AK8: variants seen among roughly 807,000 people sequenced by gnomAD.
The protein encoded by AK8 is adenylate kinase 8.
A neutral mutation model predicts 54.6 loss-of-function variants in AK8; 44 were observed. That is an observed-to-expected ratio of 0.81 (90% CI 0.63 to 1.04). The LOEUF is 1.04. Among genes scored for constraint, AK8 ranks in the 50% least tolerant of loss-of-function variants. The pLI is 0.00. For missense variants in AK8, 555 were observed against 613.6 expected (o/e 0.90, Z 1.01); for synonymous variants, 239 against 245.6 (o/e 0.97, Z 0.25).
chr9:132,864,371 T>A (rs60030560), intron 3 of AK8, among the ~76,000 whole-genome samples: 1 of 152,056 alleles, frequency 6.6e-6, no homozygotes, highest in Non-Finnish European at 1.5e-5. Flanking sequence ...GTGTGAACCT[T>A]CGTTCTTCCT....
intron 5 of AK8, among the ~76,000 whole-genome samples, chr9:132,832,893 C>G (rs1842163272): frequency 1.3e-5 from 2 of 152,212 alleles, no homozygotes; most frequent in African/African-American, 2.4e-5. Flanking sequence ...AGGTGGGGGG[C>G]TCTGGAGTGA....
At chr9:132,776,832 C>T (rs972347547) in intron 11 of AK8, among the ~76,000 whole-genome samples, 1 of 152,196 alleles carries the variant, frequency 6.6e-6, no homozygotes, top group Non-Finnish European at 1.5e-5. Flanking sequence ...CTTGATTCCC[C>T]TTCACGGGCA....
rs115968302 is a variant in AK8, at chr9:132,754,649, G to A, written c.1122-27115C>T. ...TGCTGCTGTTCCCGGGAGGACAGTT[G>A]AGCCAAGGGCAGCTTCTCCTCCTCT... On this transcript the variant is annotated intron_variant, in intron 11 of 12. Coordinates refer to ENST00000298545, the MANE Select transcript of AK8 (RefSeq NM_152572.3). Among the ~76,000 whole-genome samples, 569 of 152,208 alleles carry A rather than the reference G, an allele frequency of 3.7e-3. 2 individuals are homozygous for A. The highest frequency in any genetic ancestry group is 0.013 in the African/African-American group (539 of 41,526).
At chr9:132,863,313 G>A (rs1363504639) in intron 4 of AK8, among the ~76,000 whole-genome samples, 2 of 152,240 alleles carry the variant, frequency 1.3e-5, no homozygotes, top group Non-Finnish European at 2.9e-5. Flanking sequence ...CTCCTGGCGC[G>A]GGCCGCCAGG....
At chr9:132,745,893 T>C (rs1185534313) in intron 11 of AK8, among the ~76,000 whole-genome samples, 6 of 152,096 alleles carry the variant, frequency 3.9e-5, no homozygotes, top group Admixed American at 3.9e-4. Flanking sequence ...CCTTGAAGTA[T>C]GTTTGGAAGG....
rs536861765 is a variant in AK8, at chr9:132,742,569, T to C, written c.1122-15035A>G. Reference sequence around the variant, plus strand: ...ATGACAGGGGTACCAGCACCTGGCATTTCTGCCCCTCGCAGCCCTCTGAGG... The same window carrying C: ...ATGACAGGGGTACCAGCACCTGGCACTTCTGCCCCTCGCAGCCCTCTGAGG... On this transcript the variant is annotated intron_variant, in intron 11 of 12. Transcript: ENST00000298545. Among the ~76,000 whole-genome samples the C allele has an allele frequency of 5.9e-5, 9 of 152,322 alleles. No individual in the cohort carries two copies. The East Asian group carries it at 1.7e-3, about 29-fold the overall frequency.
chr9:132,830,474 C>A (rs1003201695), intron 5 of AK8, among the ~76,000 whole-genome samples: 2 of 152,172 alleles, frequency 1.3e-5, no homozygotes, highest in African/African-American at 4.8e-5. Context: ...ATACAGTATA[C>A]CACTGCTGCT....
intron 11 of AK8, among the ~76,000 whole-genome samples, chr9:132,742,807 C>T (rs979832844): frequency 6.6e-6 from 1 of 152,194 alleles, no homozygotes; most frequent in Non-Finnish European, 1.5e-5. Context: ...CTTCTATTAG[C>T]CTCCGTGAGG....
intron 5 of AK8, among the ~76,000 whole-genome samples, chr9:132,845,922 ATC>A (rs1294801166): frequency 1.3e-5 from 2 of 152,102 alleles, no homozygotes; most frequent in Non-Finnish European, 2.9e-5. Flanking sequence ...ACGGAAACAA[ATC>A]TGTCCAGGCA....
chr9:132,828,572 T>G, intron 6 of AK8, 73 bp downstream of exon 6: 1 of 1,367,028 alleles, frequency 7.3e-7, no homozygotes, highest in African/African-American at 1.4e-5. Context: ...GCAGGCAGCA[T>G]GAGCGGGGCG....
At chr9:132,852,228 C>A (rs775941331) in intron 5 of AK8, among the ~76,000 whole-genome samples, 3 of 152,286 alleles carry the variant, frequency 2.0e-5, no homozygotes, top group East Asian at 1.9e-4. Context: ...AATCTCAGCA[C>A]TTTGGGAGGC....
intron 11 of AK8, among the ~76,000 whole-genome samples, chr9:132,778,045 A>T (rs140859747): frequency 6.6e-4 from 100 of 152,340 alleles, no homozygotes; most frequent in African/African-American, 2.4e-3. Context: ...AATCAGAATG[A>T]TGTCAGGTCC....
In AK8 at chr9:132,846,851, G is replaced by GAGCTGTA. The variant is rs1201386420; in HGVS notation, c.402+8005_402+8006insTACAGCT. On this transcript the variant is annotated intron_variant, in intron 5 of 12. Coordinates refer to ENST00000298545, the MANE Select transcript of AK8 (RefSeq NM_152572.3). ...CCGGTGTGGCTCTGGGCGTGCCTCA[G>GAGCTGTA]GCCCTGCAGCTACAACATGGGCACA... Among the ~76,000 whole-genome samples, 5 of 152,326 alleles carry GAGCTGTA rather than the reference G, an allele frequency of 3.3e-5. No homozygotes were observed. The East Asian group carries it at 9.7e-4, about 29-fold the overall frequency.
chr9:132,757,925 G>A (rs1490085883), intron 11 of AK8, among the ~76,000 whole-genome samples: 1 of 152,232 alleles, frequency 6.6e-6, no homozygotes, highest in African/African-American at 2.4e-5. Flanking sequence ...TGAGCACGAG[G>A]AGGGCAATTC....
intron 9 of AK8, among the ~76,000 whole-genome samples, chr9:132,819,111 C>T (rs183864507): frequency 6.6e-6 from 1 of 152,108 alleles, no homozygotes; most frequent in Non-Finnish European, 1.5e-5. Context: ...ATACAGTCAG[C>T]CCTCCATATC....
rs924633679 is a variant in AK8, at chr9:132,878,040, T to C, written c.84+132A>G. ...CGGGGTCACGGCGACACACGAATCG[T>C]ACATCCCGAGTTGGGCTGCTTCGTG... On this transcript the variant is annotated intron_variant, in intron 1 of 12. Transcript: ENST00000298545. The surrounding 1 kb of genome is among the most constrained non-coding windows in gnomAD (Gnocchi z 4.7). 22 of 1,538,046 alleles carry C rather than the reference T, an allele frequency of 1.4e-5. No individual in the cohort carries two copies. In the African/African-American group the frequency reaches 2.5e-4, roughly 17 times the overall value.
chr9:132,803,600 C>T lies in AK8; in HGVS notation c.980-10825G>A, dbSNP rs999216563. 3.3e-5 allele frequency among the ~76,000 whole-genome samples: 5 copies of T among 152,098 alleles called. No homozygotes were observed. The highest frequency in any genetic ancestry group is 2.0e-4 in the Admixed American group (3 of 15,280). On this transcript the variant is annotated intron_variant, in intron 10 of 12. Coordinates refer to ENST00000298545, the MANE Select transcript of AK8 (RefSeq NM_152572.3). This position sits in a 1 kb window ranked among gnomAD's most constrained non-coding sequence, Gnocchi z 4.4. ...CAACAAATGGGATCCTAGGAAAGCT[C>T]GCCTTACAGATGGGAAAACTGAAGG... is the stretch of plus-strand genomic sequence containing the variant.
chr9:132,801,857 C>T (rs1302235582), intron 10 of AK8, among the ~76,000 whole-genome samples: 2 of 152,198 alleles, frequency 1.3e-5, no homozygotes, highest in Non-Finnish European at 2.9e-5. Flanking sequence ...AACTAAGGCA[C>T]AGGAAGAGGA....
intron 10 of AK8, among the ~76,000 whole-genome samples, chr9:132,812,516 G>GGGATGAC (rs1841069442): frequency 2.0e-4 from 1 of 4,986 alleles, no homozygotes; most frequent in Admixed American, 1.9e-3. Flanking sequence ...TGGGATGACA[G>GGGATGAC]GGGTGAGCTA....
Sources: gnomAD v4.1 joint callset for allele counts (sites outside exome capture counted in the v4.1 genomes callset) on GRCh38, gnomAD v4.1.1 for gene constraint, Gnocchi (gnomAD v3.1) non-coding constraint, MANE v1.5 for transcripts, NCBI Gene and HGNC (gene_info 2026-07-23, HGNC 2026-07-21) for gene names.